The following CLPSL1 variants were observed in gnomAD, a reference collection of about 807,000 sequenced individuals.
The protein encoded by CLPSL1 is colipase like 1.
Under a neutral mutation model 9.3 loss-of-function variants are expected in CLPSL1, and 13 were observed. The observed-to-expected ratio is 1.40, with a 90% CI of 0.91 to 2.22. The LOEUF (loss-of-function observed/expected upper bound fraction) is 2.22, where lower values mean the gene tolerates loss of function less well. CLPSL1 is among the 30% of genes most tolerant of loss of function. The probability of loss-of-function intolerance (pLI) is 0.00; values close to 1 mark genes in which losing one functional copy is unlikely to be tolerated. For missense variants in CLPSL1, 164 were observed against 146.6 expected, an observed-to-expected ratio of 1.12 and a Z score of -0.61; for synonymous variants, 58 against 56.9, an observed-to-expected ratio of 1.02 and a Z score of -0.08.
intron 2 of CLPSL1, 141 bp downstream of exon 2, chr6:35,787,261 C>G (rs182052295): frequency 6.0e-4 from 645 of 1,068,738 alleles, no homozygotes; most frequent in South Asian, 4.4e-3. Context: ...GACTGCACCT[C>G]CAAGCCTTCT....
downstream of CLPSL1, among the ~76,000 whole-genome samples, chr6:35,792,221 C>G (rs1308029543): frequency 1.3e-5 from 2 of 152,182 alleles, no homozygotes; most frequent in Non-Finnish European, 2.9e-5. Context: ...CTGTAGTGAG[C>G]CATGATCATG....
At chr6:35,791,192 T>C (rs1207170644), downstream of CLPSL1, among the ~76,000 whole-genome samples, 1 of 152,256 alleles carries the variant, frequency 6.6e-6, no homozygotes, top group Non-Finnish European at 1.5e-5. Context: ...TGGTCATTGG[T>C]AGAGGCTGCC....
At chr6:35,785,946 C>CAAAAAA (rs35079833) in intron 1 of CLPSL1, among the ~76,000 whole-genome samples, 1 of 110,798 alleles carries the variant, frequency 9.0e-6, no homozygotes, top group Non-Finnish European at 1.7e-5. Context: ...GAGACTTTGT[C>CAAAAAA]AAAAAAAAAA....
downstream of CLPSL1, among the ~76,000 whole-genome samples, chr6:35,790,045 G>A (rs988001647): frequency 9.9e-5 from 15 of 152,198 alleles, no homozygotes; most frequent in Non-Finnish European, 1.5e-5. Flanking sequence ...TCCCATCTCA[G>A]CCTCCTGAGT....
At chr6:35,783,864 C>T (rs1194671392) in intron 1 of CLPSL1, among the ~76,000 whole-genome samples, 1 of 151,456 alleles carries the variant, frequency 6.6e-6, no homozygotes, top group Non-Finnish European at 1.5e-5. Flanking sequence ...TCTGTGATAC[C>T]GTATCATTTC....
chr6:35,791,159 A>T (rs1273243209), downstream of CLPSL1, among the ~76,000 whole-genome samples: 1 of 152,266 alleles, frequency 6.6e-6, no homozygotes, highest in Non-Finnish European at 1.5e-5. Flanking sequence ...AGCCATGGGG[A>T]TTCCGCTGCC....
intron 1 of CLPSL1, among the ~76,000 whole-genome samples, chr6:35,784,062 T>G (rs1366659422): frequency 6.6e-6 from 1 of 152,216 alleles, no homozygotes. Flanking sequence ...TTTTTTGTTT[T>G]TTGTTTTTTG....
rs201083630 is a variant in CLPSL1, at chr6:35,787,903, C to G, written c.259C>G (p.Arg87Gly). ...CCAATATAGAGCGTGTCCCTGCCTGCGGAACCTGACTTGTATATATTCAAA... is the reference window on the plus strand; with the variant it reads ...CCAATATAGAGCGTGTCCCTGCCTGGGGAACCTGACTTGTATATATTCAAA... Reference protein sequence around the residue: ...FGQYRACPCLRNLTCIYSKNE... With the variant: ...FGQYRACPCLGNLTCIYSKNE... The change falls in exon 3 of 3, where the codon CGG (arginine) becomes GGG (glycine). Residue 87 changes from arginine (R) to glycine (G), a missense_variant. Coordinates refer to ENST00000373861, the MANE Select transcript of CLPSL1 (RefSeq NM_001010886.5). The G allele has an allele frequency of 6.2e-7, 1 of 1,607,140 alleles. No individual in the cohort carries two copies. The highest frequency in any genetic ancestry group is 8.5e-7 in the Non-Finnish European group (1 of 1,173,740).
intron 1 of CLPSL1, among the ~76,000 whole-genome samples, chr6:35,785,238 T>C (rs530053794): frequency 6.5e-4 from 94 of 143,814 alleles, no homozygotes; most frequent in Non-Finnish European, 9.6e-4. Context: ...AGTGCAGTGG[T>C]GCAATCTCAG....
chr6:35,788,834 T>C (rs1185247235), downstream of CLPSL1, among the ~76,000 whole-genome samples: 1 of 152,260 alleles, frequency 6.6e-6, no homozygotes, highest in African/African-American at 2.4e-5. Flanking sequence ...TGGAGTTAGA[T>C]GCTAGCTCGC....
chr6:35,786,483 C>G (rs946865078), intron 1 of CLPSL1, among the ~76,000 whole-genome samples: 1 of 152,198 alleles, frequency 6.6e-6, no homozygotes, highest in African/African-American at 2.4e-5. Context: ...GCCTGGCACA[C>G]AGTAGGTGCT....
intron 1 of CLPSL1, among the ~76,000 whole-genome samples, chr6:35,784,009 C>T (rs12526562): frequency 0.11 from 17,046 of 152,040 alleles, 1,297 homozygotes; most frequent in Non-Finnish European, 0.17. Context: ...GTTAGGGACA[C>T]ACCTGTGATA....
chr6:35,782,027 C>T (rs2151059546), intron 1 of CLPSL1, among the ~76,000 whole-genome samples: 1 of 152,266 alleles, frequency 6.6e-6, no homozygotes, highest in African/African-American at 2.4e-5. Flanking sequence ...GCTAGGATTA[C>T]AGGCGTAAGC....
rs201001742 is a variant in CLPSL1 at position 35,787,951 on chromosome 6, G to C, written c.307G>C (p.Ala103Pro). ...YSKNEKWLSI[A>P]YGRCQKIGRQ... ...AAAGAATGAGAAATGGCTTAGCATC[G>C]CCTATGGCCGTTGTCAGAAAATTGG... The change falls in exon 3 of 3, where the codon GCC becomes CCC. Residue 103 changes from alanine to proline, a missense_variant. Coordinates refer to ENST00000373861, the MANE Select transcript of CLPSL1 (RefSeq NM_001010886.5). 6.2e-7 allele frequency: 1 copy of C among 1,613,256 alleles called. No homozygotes were observed. The highest frequency in any genetic ancestry group is 1.7e-5 in the Admixed American group (1 of 60,022).
intron 1 of CLPSL1, 32 bp downstream of exon 1, chr6:35,781,241 C>T (rs200474172): frequency 1.2e-6 from 2 of 1,608,544 alleles, no homozygotes; most frequent in African/African-American, 1.3e-5. Context: ...GTCACCTCCC[C>T]CTCCACTGTC....
At chr6:35,787,762 C>A in intron 2 of CLPSL1, 105 bp from the exon 3 acceptor site, 1 of 1,095,904 alleles carries the variant, frequency 9.1e-7, no homozygotes, top group Non-Finnish European at 1.4e-6. Flanking sequence ...TCCCTGGATC[C>A]TGGCTGTGGG....
At position 35,781,128 on chromosome 6, in the gene CLPSL1, G is replaced by A. The variant is rs759541213; in HGVS notation, c.18G>A (p.Trp6Ter). 71 of 1,612,966 alleles carry A rather than the reference G, an allele frequency of 4.4e-5. No individual in the cohort carries two copies. The highest frequency in any genetic ancestry group is 5.9e-5 in the Non-Finnish European group (70 of 1,179,392). Reference sequence around the variant, plus strand: ...TGTGGGCCATGATGCTACCCCAATGGCTGCTGCTGCTGTTCCTTCTCTTCT... The same window carrying A: ...TGTGGGCCATGATGCTACCCCAATGACTGCTGCTGCTGTTCCTTCTCTTCT... MMLPQ[W>*]LLLLFLLFFF... is the part of the protein sequence containing the mutation. Residue 6 changes from tryptophan to a stop codon, truncating the protein, a stop_gained, in exon 1 of 3, where the codon TGG (tryptophan) becomes TGA (stop). Transcript: ENST00000373861. LOFTEE classifies it high-confidence loss of function.
downstream of CLPSL1, among the ~76,000 whole-genome samples, chr6:35,788,678 A>G (rs1168836337): frequency 6.6e-6 from 1 of 152,266 alleles, no homozygotes; most frequent in Non-Finnish European, 1.5e-5. Flanking sequence ...AAGAGAAAAG[A>G]GGGACAAGAA....
chr6:35,785,174 ATTTTTTTTT>A (rs34500810), intron 1 of CLPSL1, among the ~76,000 whole-genome samples: 1 of 115,716 alleles, frequency 8.6e-6, no homozygotes, highest in Non-Finnish European at 1.7e-5. Flanking sequence ...GCCCCTGGAA[ATTTTTTTTT>A]TTTTTTTTTT....
Sources: gnomAD v4.1 joint callset for allele counts (sites outside exome capture counted in the v4.1 genomes callset) on GRCh38, gnomAD v4.1.1 for gene constraint, MANE v1.5 for transcripts, NCBI Gene and HGNC (gene_info 2026-07-23, HGNC 2026-07-21) for gene names.